SYNE1: variants seen among roughly 807,000 people sequenced by gnomAD.
SYNE1 encodes the protein nesprin-1.
SYNE1 carries 616 observed loss-of-function variants against 1,111.0 expected under a neutral mutation model. That is an observed-to-expected ratio of 0.55 (90% CI 0.52 to 0.59). The LOEUF (loss-of-function observed/expected upper bound fraction) is 0.59, where lower values mean the gene tolerates loss of function less well. Ranked by LOEUF, SYNE1 falls within the 20% of genes least tolerant of loss-of-function variation. The probability of loss-of-function intolerance (pLI) is 0.00; values close to 1 mark genes in which losing one functional copy is unlikely to be tolerated. For synonymous variants in SYNE1, 3,855 were observed against 3,825.8 expected, an observed-to-expected ratio of 1.01 and a Z score of -0.28; for missense variants, 10,006 against 10,417.0, an observed-to-expected ratio of 0.96 and a Z score of 1.72.
intron 75 of SYNE1, among the ~76,000 whole-genome samples, chr6:152,338,687 A>C (rs996523672): frequency 2.6e-5 from 4 of 152,202 alleles, no homozygotes; most frequent in African/African-American, 9.6e-5. Context: ...TTAAGGCTGC[A>C]GTGGCAGCAG....
rs2096212767 is a variant in SYNE1, at chr6:152,330,195, AATC to A, written c.14487_14489del (p.Ile4830del). The A allele has an allele frequency of 6.2e-7, 1 of 1,614,066 alleles. No individual in the cohort carries two copies. The highest frequency in any genetic ancestry group is 1.7e-5 in the Admixed American group (1 of 60,002). ...GATGTATGGTTACTCGTTTCAGTAC[AATC>A]CCTGAGTCCTGGAGACTTCCTGCCA... is the stretch of plus-strand genomic sequence containing the variant. On this transcript the variant is annotated inframe_deletion, in exon 78 of 146. Coordinates refer to ENST00000367255, the MANE Select transcript of SYNE1 (RefSeq NM_182961.4).
At chr6:152,155,366 G>A in intron 132 of SYNE1, 1 of 360,714 alleles carries the variant, frequency 2.8e-6, no homozygotes, top group Non-Finnish European at 5.2e-6. Flanking sequence ...TTTACAGTGT[G>A]CACTCAGGCC....
At chr6:152,287,521 T>C (rs1169437730) in intron 95 of SYNE1, among the ~76,000 whole-genome samples, 1 of 152,186 alleles carries the variant, frequency 6.6e-6, no homozygotes, top group Non-Finnish European at 1.5e-5. Context: ...ATATATATTT[T>C]CCCACACATT....
Position 152,311,158 on chromosome 6 carries a change from C to T in SYNE1, c.16711-285G>A, listed in dbSNP as rs563579691. On this transcript the variant is annotated intron_variant, in intron 87 of 145. Transcript: ENST00000367255. ...CTCGGTCAAGCCCAAGCTGCCCCCTCGTGAGAACAGGACATAGGAATTCTA... is the reference window on the plus strand; with the variant it reads ...CTCGGTCAAGCCCAAGCTGCCCCCTTGTGAGAACAGGACATAGGAATTCTA... 9 of 464,424 alleles carry T rather than the reference C, an allele frequency of 1.9e-5. No homozygotes were observed. The East Asian group carries it at 2.1e-4, about 11-fold the overall frequency. The allele number at this position is 464,424 out of a possible 1,614,324, so 28.8% of individuals were successfully genotyped here.
intron 75 of SYNE1, 107 bp from the exon 76 acceptor site, chr6:152,337,124 C>A (rs1230689377): frequency 9.6e-7 from 1 of 1,043,832 alleles, no homozygotes; most frequent in African/African-American, 1.6e-5. Flanking sequence ...ATTTGACACA[C>A]ACATACACAC....
intron 18 of SYNE1, among the ~76,000 whole-genome samples, chr6:152,464,075 A>T (rs561504565): frequency 1.3e-5 from 2 of 152,320 alleles, no homozygotes; most frequent in African/African-American, 4.8e-5. Flanking sequence ...TAGTACATTA[A>T]GATAATTAGC....
At chr6:152,288,135 T>G (rs946856773) in intron 95 of SYNE1, among the ~76,000 whole-genome samples, 4 of 152,114 alleles carry the variant, frequency 2.6e-5, no homozygotes, top group African/African-American at 9.7e-5. Context: ...TGTTTTTTTT[T>G]TTTTACACTG....
At chr6:152,297,792 T>C (rs2094952759) in intron 93 of SYNE1, among the ~76,000 whole-genome samples, 1 of 85,632 alleles carries the variant, frequency 1.2e-5, no homozygotes, top group African/African-American at 5.7e-5. Flanking sequence ...TGTGTGTGTG[T>C]GTGTGTGTGT....
chr6:152,219,104 C>T lies in SYNE1; in HGVS notation c.21943G>A (p.Asp7315Asn), dbSNP rs1234299926. Residue 7315 changes from aspartate (D) to asparagine (N), a missense_variant, in exon 120 of 146, where the codon GAT (aspartate) becomes AAT (asparagine). Transcript: ENST00000367255. ...ELGEQLKQQV[D>N]ASAASAIQSD... ...TGAATAGCTGATGCTGCGGAAGCAT[C>T]CACTTGTTGCTTCAGTTGCTCTCCC... 1.9e-6 allele frequency: 3 copies of T among 1,614,082 alleles called. No homozygotes were observed. Among genetic ancestry groups the T allele is most frequent in the Admixed American group, 3.3e-5 (2 of 60,018 alleles).
chr6:152,482,947 C>T, intron 14 of SYNE1, 138 bp downstream of exon 14: 1 of 975,512 alleles, frequency 1.0e-6, no homozygotes, highest in Non-Finnish European at 1.6e-6. Flanking sequence ...AATTAGAGAA[C>T]TCTAAGAAGG....
rs575767921 is a variant in SYNE1 at position 152,278,809 on chromosome 6, C to A, written c.18382-529G>T. Among the ~76,000 whole-genome samples, 11 of 152,044 alleles carry A rather than the reference C, an allele frequency of 7.2e-5. No individual in the cohort carries two copies. In the South Asian group the frequency reaches 2.1e-3, roughly 29 times the overall value. On this transcript the variant is annotated intron_variant, in intron 97 of 145. Transcript: ENST00000367255. The stretch of plus-strand genomic sequence containing the variant: ...TTGAGGGAGGGTCTTGTTCTGTTGC[C>A]CAGGCTGGAGTGCTTTGGCATGAAC...
intron 107 of SYNE1, among the ~76,000 whole-genome samples, chr6:152,241,136 C>G (rs58415480): frequency 0.16 from 25,023 of 152,096 alleles, 2,344 homozygotes; most frequent in African/African-American, 0.23. Flanking sequence ...GTTATTTATA[C>G]TCATTGATCC....
At chr6:152,436,137 T>G (rs770210419) in intron 32 of SYNE1, 36 bp from the exon 33 acceptor site, 2 of 1,607,286 alleles carry the variant, frequency 1.2e-6, no homozygotes, top group African/African-American at 2.7e-5. Context: ...GTAGGCACTT[T>G]ATATTATTTA....
At chr6:152,585,563 A>G (rs2099535198) in intron 3 of SYNE1, among the ~76,000 whole-genome samples, 1 of 152,220 alleles carries the variant, frequency 6.6e-6, no homozygotes, top group African/African-American at 2.4e-5. Flanking sequence ...ACAAAATTAT[A>G]TAACTTCTGT....
intron 137 of SYNE1, chr6:152,147,529 A>C (rs1397043892): frequency 6.5e-6 from 1 of 153,266 alleles, no homozygotes; most frequent in Non-Finnish European, 1.5e-5. Flanking sequence ...ACAAACTGCC[A>C]ATGATCAAAA....
At chr6:152,454,580 G>A (rs993009679) in intron 24 of SYNE1, among the ~76,000 whole-genome samples, 6 of 152,162 alleles carry the variant, frequency 3.9e-5, no homozygotes, top group Admixed American at 3.3e-4. Flanking sequence ...TTTTGCTCTG[G>A]CAGTCAAGTA....
At chr6:152,434,021 C>T (rs1592618801) in intron 33 of SYNE1, 76 bp from the exon 34 acceptor site, 1 of 1,316,328 alleles carries the variant, frequency 7.6e-7, no homozygotes, top group Non-Finnish European at 1.1e-6. Flanking sequence ...TTGAAATCAC[C>T]AGGTGAAGAG....
At chr6:152,287,590 C>T (rs1421629765) in intron 95 of SYNE1, among the ~76,000 whole-genome samples, 3 of 152,136 alleles carry the variant, frequency 2.0e-5, no homozygotes, top group South Asian at 2.1e-4. Context: ...CCCTGTTGCT[C>T]GTGCTGGAGT....
At position 152,419,630 on chromosome 6, in the gene SYNE1, T is replaced by C. The variant is rs201366911; in HGVS notation, c.5360A>G (p.Glu1787Gly). 184 of 1,613,768 alleles carry C rather than the reference T, an allele frequency of 1.1e-4. No individual in the cohort carries two copies. The highest frequency in any genetic ancestry group is 1.1e-4 in the Non-Finnish European group (127 of 1,179,946). The change falls in exon 40 of 146, where the codon GAA (glutamate) becomes GGA (glycine). Residue 1787 changes from glutamate (E) to glycine (G), a missense_variant. Glu to Gly is a moderately conservative substitution (Grantham distance 98). Coordinates refer to ENST00000367255, the MANE Select transcript of SYNE1 (RefSeq NM_182961.4). ...FSVWIKLFLS[E>G]LQTTSEISIM... Reference sequence around the variant, plus strand: ...GCTAATCTCAGAGGTAGTTTGTAATTCACTGAGAAACAGTTTAATCCAGAC... The same window carrying C: ...GCTAATCTCAGAGGTAGTTTGTAATCCACTGAGAAACAGTTTAATCCAGAC...
Sources: allele counts gnomAD v4.1 joint callset (sites outside exome capture counted in the v4.1 genomes callset), GRCh38; gene constraint gnomAD v4.1.1; transcripts MANE v1.5; gene names NCBI Gene and HGNC (gene_info 2026-07-23, HGNC 2026-07-21).